The following ELOA2 variants were observed in gnomAD, a reference collection of about 807,000 sequenced individuals.
ELOA2 encodes elongin A2.
For synonymous variants in ELOA2, 497 were observed against 398.8 expected, an observed-to-expected ratio of 1.25 and a Z score of -2.94; for missense variants, 1,271 against 979.7, an observed-to-expected ratio of 1.30 and a Z score of -3.97.
In ELOA2 at chr18:47,032,968, C is replaced by T. The variant is rs760642613; in HGVS notation, c.*35G>A. ...GCATTGACTTTGCCAATGCAAAAAT[C>T]CCCCCAGATTTTATCTGCAAGGCAA... On this transcript the variant is annotated 3_prime_UTR_variant, in exon 1 of 1. Coordinates refer to ENST00000332567, the MANE Select transcript of ELOA2 (RefSeq NM_016427.3). 8.1e-6 allele frequency: 13 copies of T among 1,613,468 alleles called. No individual in the cohort carries two copies. Among genetic ancestry groups the T allele is most frequent in the Middle Eastern group, 1.8e-4 (1 of 5,514 alleles).
rs372745167 is a variant in ELOA2 at position 47,034,796 on chromosome 18, A to G, written c.469T>C (p.Cys157Arg). 1.9e-5 allele frequency: 31 copies of G among 1,612,080 alleles called. No individual in the cohort carries two copies. The highest frequency in any genetic ancestry group is 1.7e-4 in the Admixed American group (10 of 59,998). Residue 157 changes from cysteine to arginine, a missense_variant, in exon 1 of 1, where the codon TGC (cysteine) becomes CGC (arginine). Physicochemically the swap from Cys to Arg is radical, Grantham distance 180 (BLOSUM62 -3). Coordinates refer to ENST00000332567, the MANE Select transcript of ELOA2 (RefSeq NM_016427.3). ...GAATCAGCTGGGGCTATTCTGGGGCACTTTCTCTCAGCTCTGGGCTCGCGA... is the reference window on the plus strand; with the variant it reads ...GAATCAGCTGGGGCTATTCTGGGGCGCTTTCTCTCAGCTCTGGGCTCGCGA... ...HSREPRAERK[C>R]PRIAPADSGR...
rs2060734014 is a variant in ELOA2, at chr18:47,035,549, G to A, written c.-285C>T. 2 of 637,600 alleles carry A rather than the reference G, an allele frequency of 3.1e-6. No individual in the cohort carries two copies. The highest frequency in any genetic ancestry group is 5.9e-5 in the East Asian group (2 of 34,140). 39.5% of individuals were successfully genotyped at this position (637,600 alleles called of 1,614,324 possible). On this transcript the variant is annotated 5_prime_UTR_variant, in exon 1 of 1. Coordinates refer to ENST00000332567, the MANE Select transcript of ELOA2 (RefSeq NM_016427.3). Reference sequence around the variant, plus strand: ...AGTTTGCTGTGCAACAAAGAATGAAGCTCTGGTGCCAGAGCTGGGCCTTAT... The same window carrying A: ...AGTTTGCTGTGCAACAAAGAATGAAACTCTGGTGCCAGAGCTGGGCCTTAT...
rs369159872 is a variant in ELOA2, at chr18:47,035,268, A to G, written c.-4T>C. 2.6e-4 allele frequency: 420 copies of G among 1,612,156 alleles called. 1 individual carries two copies. Among genetic ancestry groups the G allele is most frequent in the East Asian group, 4.7e-4 (21 of 44,840 alleles). On this transcript the variant is annotated 5_prime_UTR_variant, in exon 1 of 1. The change abolishes the stop of an existing upstream ORF in the 5' untranslated region. Coordinates refer to ENST00000332567, the MANE Select transcript of ELOA2 (RefSeq NM_016427.3). ...GCGTAGTGGACCCTGCCGCCATCTC[A>G]CCAGAGCTGTGCAGGCGTCGCTGTC...
chr18:47,034,040 C>G lies in ELOA2; in HGVS notation c.1225G>C (p.Asp409His), dbSNP rs754209641. 2.5e-6 allele frequency: 4 copies of G among 1,614,086 alleles called. No homozygotes were observed. The highest frequency in any genetic ancestry group is 2.2e-5 in the East Asian group (1 of 44,892). The change falls in exon 1 of 1, where the codon GAT becomes CAT. Residue 409 changes from aspartate to histidine, a missense_variant. Asp to His is a moderately conservative substitution (Grantham distance 81). Coordinates refer to ENST00000332567, the MANE Select transcript of ELOA2 (RefSeq NM_016427.3). ...TGKSATTALG[D>H]KQRKANESKG... ...GATTCGTTTGCTTTCCTTTGTTTAT[C>G]TCCAAGTGCAGTGGTGGCAGATTTT...
chr18:47,035,300 G>A lies in ELOA2; in HGVS notation c.-36C>T. 4 of 1,611,612 alleles carry A rather than the reference G, an allele frequency of 2.5e-6. No individual in the cohort carries two copies. Among genetic ancestry groups the A allele is most frequent in the Non-Finnish European group, 2.5e-6 (3 of 1,179,464 alleles). ...CTGTGCAGGCGTCGCTGTCCCGGCG[G>A]TCGCAGCTCTGTCTTTGGGGCTGCG... On this transcript the variant is annotated 5_prime_UTR_variant, in exon 1 of 1. Transcript: ENST00000332567.
Position 47,033,815 on chromosome 18 carries a change from T to C in ELOA2, c.1450A>G (p.Thr484Ala). 1 of 1,614,032 alleles carries C rather than the reference T, an allele frequency of 6.2e-7. No individual in the cohort carries two copies. The highest frequency in any genetic ancestry group is 8.5e-7 in the Non-Finnish European group (1 of 1,180,030). Residue 484 changes from threonine to alanine, a missense_variant, in exon 1 of 1, where the codon ACC (threonine) becomes GCC (alanine). Physicochemically the swap from Thr to Ala is moderately conservative, Grantham distance 58 (BLOSUM62 0). Transcript: ENST00000332567. ...YDPLSDSDSM[T>A]SQAKPEALSS... is the part of the protein sequence containing the mutation. ...AGTGCTTCTGGCTTTGCCTGGGAGG[T>C]CATGGAGTCAGAATCCGAAAGCGGA...
rs754753812 is a variant in ELOA2 at position 47,034,890 on chromosome 18, G to A, written c.375C>T (p.Ser125=). The A allele has an allele frequency of 5.0e-6, 8 of 1,612,122 alleles. No individual in the cohort carries two copies. Among genetic ancestry groups the A allele is most frequent in the East Asian group, 4.5e-5 (2 of 44,876 alleles). ...NATAPRSPSH[S]PEHRRTARRT... is the part of the protein sequence containing the mutation. ...TGCGTGCTGTCCGTCTGTGCTCAGGGCTGTGAGATGGGCTCCTGGGGGCCG... is the reference window on the plus strand; with the variant it reads ...TGCGTGCTGTCCGTCTGTGCTCAGGACTGTGAGATGGGCTCCTGGGGGCCG... The change falls in exon 1 of 1, where the codon AGC becomes AGT. Residue 125 remains serine, a synonymous_variant. Coordinates refer to ENST00000332567, the MANE Select transcript of ELOA2 (RefSeq NM_016427.3).
chr18:47,033,549 T>C lies in ELOA2; in HGVS notation c.1716A>G (p.Lys572=), dbSNP rs372652455. 41 of 1,612,466 alleles carry C rather than the reference T, an allele frequency of 2.5e-5. No homozygotes were observed. In the African/African-American group the frequency reaches 4.0e-4, roughly 16 times the overall value. ...TCTCTCTAACGAGTGCGTGATTGTC[T>C]TTCTTTCTGCGATACAGCTGATCGG... ...WRPDQLYRRK[K]DNHALVRETD... is the part of the protein sequence containing the mutation. Residue 572 remains lysine (K), a synonymous_variant, in exon 1 of 1, where the codon AAA becomes AAG. Coordinates refer to ENST00000332567, the MANE Select transcript of ELOA2 (RefSeq NM_016427.3).
chr18:47,033,689 C>T lies in ELOA2; in HGVS notation c.1576G>A (p.Val526Met). ...SGSRPACQLQ[V>M]PTLRQQCAQV... ...GCACACTGCTGGCGCAGCGTCGGCACCTGGAGCTGGCAGGCAGGCCTGGAG... is the reference window on the plus strand; with the variant it reads ...GCACACTGCTGGCGCAGCGTCGGCATCTGGAGCTGGCAGGCAGGCCTGGAG... The change falls in exon 1 of 1, where the codon GTG (valine) becomes ATG (methionine). Residue 526 changes from valine (V) to methionine (M), a missense_variant. Val to Met is a conservative substitution (Grantham distance 21, BLOSUM62 1). Coordinates refer to ENST00000332567, the MANE Select transcript of ELOA2 (RefSeq NM_016427.3). 2.5e-6 allele frequency: 4 copies of T among 1,614,176 alleles called. No individual in the cohort carries two copies. The highest frequency in any genetic ancestry group is 3.4e-6 in the Non-Finnish European group (4 of 1,180,044).
rs745382161 is a variant in ELOA2 at position 47,035,127 on chromosome 18, C to A, written c.138G>T (p.Glu46Asp). The A allele has an allele frequency of 1.2e-6, 2 of 1,611,652 alleles. No homozygotes were observed. Among genetic ancestry groups the A allele is most frequent in the South Asian group, 2.2e-5 (2 of 90,948 alleles). ...ALPMTADILA[E>D]TGIRKTVKRL... Reference sequence around the variant, plus strand: ...GCTTCACCGTCTTTCTGATTCCAGTCTCCGCCAGGATGTCTGCCGTCATGG... The same window carrying A: ...GCTTCACCGTCTTTCTGATTCCAGTATCCGCCAGGATGTCTGCCGTCATGG... The change falls in exon 1 of 1, where the codon GAG becomes GAT. Residue 46 changes from glutamate to aspartate, a missense_variant. Physicochemically the swap from Glu to Asp is conservative, Grantham distance 45. Coordinates refer to ENST00000332567, the MANE Select transcript of ELOA2 (RefSeq NM_016427.3).
In ELOA2 at chr18:47,032,886, C is replaced by T. The variant is rs568478868; in HGVS notation, c.*117G>A. The T allele has an allele frequency of 8.9e-6, 14 of 1,579,818 alleles. No homozygotes were observed. The East Asian group carries it at 2.5e-4, about 28-fold the overall frequency. On this transcript the variant is annotated 3_prime_UTR_variant, in exon 1 of 1. Transcript: ENST00000332567. Reference sequence around the variant, plus strand: ...ATGACACCTGCAGAATTCAAAGGCTCAACTTTGCACCAAGTTAAAGGTTCT... The same window carrying T: ...ATGACACCTGCAGAATTCAAAGGCTTAACTTTGCACCAAGTTAAAGGTTCT...
chr18:47,032,991 CA>C lies in ELOA2; in HGVS notation c.*11del. ...ATCCCCCCAGATTTTATCTGCAAGGCAAGTCCTGAGTTTATCGTCGGGAGAA... is the reference window on the plus strand; with the variant it reads ...ATCCCCCCAGATTTTATCTGCAAGGCAGTCCTGAGTTTATCGTCGGGAGAA... On this transcript the variant is annotated 3_prime_UTR_variant, in exon 1 of 1. Coordinates refer to ENST00000332567, the MANE Select transcript of ELOA2 (RefSeq NM_016427.3). 6.2e-7 allele frequency: 1 copy of C among 1,614,032 alleles called. No individual in the cohort carries two copies. The highest frequency in any genetic ancestry group is 1.1e-5 in the South Asian group (1 of 91,078).
In ELOA2 at chr18:47,032,719, C is replaced by T. The variant is rs1401750213; in HGVS notation, c.*284G>A. 1 of 531,518 alleles carries T rather than the reference C, an allele frequency of 1.9e-6. No individual in the cohort carries two copies. The highest frequency in any genetic ancestry group is 2.4e-5 in the South Asian group (1 of 41,550). 32.9% of individuals were successfully genotyped at this position (531,518 alleles called of 1,614,324 possible). A position where few individuals can be genotyped will look rare whatever the true frequency, so the allele number is the denominator to read the frequency against. On this transcript the variant is annotated 3_prime_UTR_variant, in exon 1 of 1. Coordinates refer to ENST00000332567, the MANE Select transcript of ELOA2 (RefSeq NM_016427.3). Reference sequence around the variant, plus strand: ...ACATCTTTTTCCTTATTTATGATTACAACTAGGGTGTTTTTAAAAATTATC... The same window carrying T: ...ACATCTTTTTCCTTATTTATGATTATAACTAGGGTGTTTTTAAAAATTATC...
rs115810109 is a variant in ELOA2, at chr18:47,032,799, A to T, written c.*204T>A. The T allele has an allele frequency of 6.1e-5, 54 of 878,052 alleles. No individual in the cohort carries two copies. The African/African-American group carries it at 7.3e-4, about 12-fold the overall frequency. 54.4% of individuals were successfully genotyped at this position (878,052 alleles called of 1,614,324 possible). On this transcript the variant is annotated 3_prime_UTR_variant, in exon 1 of 1. Transcript: ENST00000332567. ...ATGCGTTCATATCTTCTGAATTCTG[A>T]GGTGTTCTCCAAGCTGGGAGGTAGT...
In ELOA2 at chr18:47,033,381, A is replaced by G. The variant is rs2060580486; in HGVS notation, c.1884T>C (p.Ser628=). 2 of 1,614,086 alleles carry G rather than the reference A, an allele frequency of 1.2e-6. No homozygotes were observed. Among genetic ancestry groups the G allele is most frequent in the Non-Finnish European group, 1.7e-6 (2 of 1,180,042 alleles). ...RLRVMTTNIR[S]ARGNNPNGRE... ...TGCCGTTGGGGTTGTTTCCACGTGC[A>G]GATCGGATATTCGTTGTCATTACTC... The change falls in exon 1 of 1, where the codon TCT becomes TCC. Residue 628 remains serine (S), a synonymous_variant. Transcript: ENST00000332567.
Position 47,034,702 on chromosome 18 carries a change from G to A in ELOA2, c.563C>T (p.Ala188Val), listed in dbSNP as rs760973046. The A allele has an allele frequency of 4.4e-5, 71 of 1,612,916 alleles. No individual in the cohort carries two copies. Among genetic ancestry groups the A allele is most frequent in the Middle Eastern group, 1.9e-4 (1 of 5,350 alleles). ...LRMPEGPEPA[A>V]PGKQPGRGHT... ...GCCTCTTCCGGGTTGCTTCCCGGGC[G>A]CAGCGGGCTCAGGGCCCTCGGGCAT... Residue 188 changes from alanine to valine, a missense_variant, in exon 1 of 1, where the codon GCG (alanine) becomes GTG (valine). By Grantham distance (64) the Ala-to-Val change is moderately conservative. Transcript: ENST00000332567.
rs60364237 is a variant in ELOA2, at chr18:47,032,663, G to GA, written c.*339dup. The GA allele has an allele frequency of 0.013, 4,073 of 323,472 alleles. 1 individual carries two copies. The highest frequency in any genetic ancestry group is 0.029 in the East Asian group (423 of 14,340). 20.0% of individuals were successfully genotyped at this position (323,472 alleles called of 1,614,324 possible). ...AAGAAGTTCTTATCTACTTGATTTC[G>GA]AAAAAAAAAAGAAAGGAAAAAGGAA... On this transcript the variant is annotated 3_prime_UTR_variant, in exon 1 of 1. Transcript: ENST00000332567.
In ELOA2 at chr18:47,032,729, G is replaced by GT. The variant is rs879084707; in HGVS notation, c.*273dup. On this transcript the variant is annotated 3_prime_UTR_variant, in exon 1 of 1. Coordinates refer to ENST00000332567, the MANE Select transcript of ELOA2 (RefSeq NM_016427.3). ...CCTTATTTATGATTACAACTAGGGTGTTTTTAAAAATTATCAGTGAACATC... is the reference window on the plus strand; with the variant it reads ...CCTTATTTATGATTACAACTAGGGTGTTTTTTAAAAATTATCAGTGAACATC... The GT allele has an allele frequency of 1.2e-4, 70 of 570,494 alleles. 1 individual carries two copies. In the South Asian group the frequency reaches 1.4e-3, roughly 12 times the overall value. The allele number at this position is 570,494 out of a possible 1,614,324, so 35.3% of individuals were successfully genotyped here. A position where few individuals can be genotyped will look rare whatever the true frequency, so the allele number is the denominator to read the frequency against.
rs1313370826 is a variant in ELOA2 at position 47,034,621 on chromosome 18, G to C, written c.644C>G (p.Pro215Arg). The C allele has an allele frequency of 1.2e-6, 2 of 1,614,140 alleles. No individual in the cohort carries two copies. Among genetic ancestry groups the C allele is most frequent in the Non-Finnish European group, 1.7e-6 (2 of 1,179,984 alleles). Reference protein sequence around the residue: ...PLLCPGCQGQPQGKAVVSHSK... With the variant: ...PLLCPGCQGQRQGKAVVSHSK... ...GTGGCTCACAACGGCTTTCCCCTGG[G>C]GTTGGCCCTGGCAGCCTGGACACAG... The change falls in exon 1 of 1, where the codon CCC (proline) becomes CGC (arginine). Residue 215 changes from proline to arginine, a missense_variant. Physicochemically the swap from Pro to Arg is moderately radical, Grantham distance 103. Transcript: ENST00000332567.
Sources: gnomAD v4.1 joint callset for allele counts on GRCh38, gnomAD v4.1.1 for gene constraint, MANE v1.5 for transcripts, NCBI Gene and HGNC (gene_info 2026-07-23, HGNC 2026-07-21) for gene names.